CLIP4: variants seen among roughly 807,000 people sequenced by gnomAD.
The protein encoded by CLIP4 is CAP-Gly domain containing linker protein family member 4.
CLIP4 carries 47 observed loss-of-function variants against 73.1 expected under a neutral mutation model. The observed-to-expected ratio is 0.64, with a 90% CI of 0.51 to 0.82. CLIP4 has a LOEUF of 0.82. Among genes scored for constraint, CLIP4 ranks in the 40% least tolerant of loss-of-function variants. The pLI, the probability that CLIP4 is intolerant of heterozygous loss-of-function variation, is 0.00. For synonymous variants in CLIP4, 306 were observed against 295.4 expected (o/e 1.04, Z -0.37); for missense variants, 874 against 852.9 (o/e 1.02, Z -0.31).
intron 7 of CLIP4, 82 bp downstream of exon 7, chr2:29,144,027 TTGAGTTTTTG>T: frequency 8.6e-7 from 1 of 1,159,976 alleles, no homozygotes; most frequent in Admixed American, 2.0e-5. Context: ...GGTCAGAGTT[TTGAGTTTTTG>T]AAAAAGGTTC....
chr2:29,174,463 T>A lies in CLIP4; in HGVS notation c.1796+18T>A. 5.0e-6 allele frequency: 8 copies of A among 1,604,540 alleles called. No homozygotes were observed. Among genetic ancestry groups the A allele is most frequent in the Non-Finnish European group, 6.8e-6 (8 of 1,177,838 alleles). The stretch of plus-strand genomic sequence containing the variant: ...TTTTCCAAGTGAGTATTAAGAAGAT[T>A]TAGAAAAACACCTTTCAAGATGAAC... On this transcript the variant is annotated intron_variant, in intron 15 of 15. Coordinates refer to ENST00000320081, the MANE Select transcript of CLIP4 (RefSeq NM_024692.6).
chr2:29,167,693 T>C, intron 14 of CLIP4, 153 bp downstream of exon 14: 1 of 506,040 alleles, frequency 2.0e-6, no homozygotes, highest in Non-Finnish European at 3.4e-6. Context: ...ACCTGTCCCC[T>C]GGCTGAAGAA....
intron 6 of CLIP4, among the ~76,000 whole-genome samples, chr2:29,143,360 A>G (rs62132793): frequency 0.052 from 7,791 of 149,098 alleles, 272 homozygotes; most frequent in Non-Finnish European, 0.08. Context: ...AGTTTCCCCT[A>G]CAACCATCTC....
Position 29,174,419 on chromosome 2 carries a change from G to A in CLIP4, c.1770G>A (p.Glu590=). Residue 590 remains glutamate, a synonymous_variant, in exon 15 of 16, where the codon GAG becomes GAA. Transcript: ENST00000320081. The part of the protein sequence containing the change: ...FSTTSASSQK[E]INRRNAFSKS... ...CAACTTCTGCTTCTTCCCAAAAGGA[G>A]ATTAACAGAAGAAATGCTTTTTCCA... 1 of 1,612,352 alleles carries A rather than the reference G, an allele frequency of 6.2e-7. No homozygotes were observed. The highest frequency in any genetic ancestry group is 8.5e-7 in the Non-Finnish European group (1 of 1,179,668).
At chr2:29,174,868 A>G (rs545308571) in intron 15 of CLIP4, among the ~76,000 whole-genome samples, 3 of 152,290 alleles carry the variant, frequency 2.0e-5, no homozygotes, top group Non-Finnish European at 2.9e-5. Flanking sequence ...TTAAGAGTAT[A>G]ATGCTCAAAA....
At chr2:29,147,980 A>G (rs1666282518) in intron 8 of CLIP4, among the ~76,000 whole-genome samples, 1 of 152,208 alleles carries the variant, frequency 6.6e-6, no homozygotes, top group Non-Finnish European at 1.5e-5. Flanking sequence ...CACATAGGGC[A>G]GAGGTAAATC....
intron 5 of CLIP4, among the ~76,000 whole-genome samples, chr2:29,134,540 T>C (rs1453459530): frequency 6.6e-6 from 1 of 152,176 alleles, no homozygotes; most frequent in African/African-American, 2.4e-5. Flanking sequence ...ATTCTACCTT[T>C]TCAATTTCTA....
At chr2:29,164,004 A>T (rs1278523372) in intron 13 of CLIP4, 50 bp downstream of exon 13, 2 of 1,447,292 alleles carry the variant, frequency 1.4e-6, no homozygotes, top group Non-Finnish European at 1.9e-6. Context: ...TGTAATCTGC[A>T]GTGGTTAATA....
At chr2:29,171,617 C>A (rs1256642518) in intron 14 of CLIP4, among the ~76,000 whole-genome samples, 1 of 150,830 alleles carries the variant, frequency 6.6e-6, no homozygotes, top group East Asian at 1.9e-4. Flanking sequence ...CTCCCGGGTT[C>A]ACGCCATCCT....
At chr2:29,153,244 T>C (rs3100241) in intron 9 of CLIP4, among the ~76,000 whole-genome samples, 63,368 of 151,908 alleles carry the variant, frequency 0.42, 15,008 homozygotes, top group Non-Finnish European at 0.55. Context: ...CTCACACGGC[T>C]TCCATAGGTG....
intron 6 of CLIP4, among the ~76,000 whole-genome samples, chr2:29,141,817 G>C (rs1224142211): frequency 6.6e-6 from 1 of 151,836 alleles, no homozygotes; most frequent in African/African-American, 2.4e-5. Context: ...TTATTTTCAG[G>C]GTTAATATTG....
chr2:29,134,335 G>A (rs1021197058), intron 5 of CLIP4, among the ~76,000 whole-genome samples: 5 of 151,848 alleles, frequency 3.3e-5, no homozygotes, highest in Non-Finnish European at 5.9e-5. Context: ...TTTTCTCTCT[G>A]GTTCTCTTGG....
At chr2:29,162,828 A>AT (rs2148060614) in intron 12 of CLIP4, among the ~76,000 whole-genome samples, 1 of 152,312 alleles carries the variant, frequency 6.6e-6, no homozygotes, top group East Asian at 1.9e-4. Flanking sequence ...CATAGAGGAA[A>AT]AAAATTAAGA....
chr2:29,179,463 C>G (rs1668527971), intron 15 of CLIP4, among the ~76,000 whole-genome samples: 2 of 152,190 alleles, frequency 1.3e-5, no homozygotes, highest in Admixed American at 1.3e-4. Flanking sequence ...GGCCTTTGTG[C>G]TTATACAGCC....
intron 6 of CLIP4, 50 bp downstream of exon 6, chr2:29,135,716 T>TA: frequency 7.7e-7 from 1 of 1,296,450 alleles, no homozygotes; most frequent in Non-Finnish European, 1.1e-6. Flanking sequence ...TAAGAAATCT[T>TA]ACTTTCTGGT....
intron 9 of CLIP4, among the ~76,000 whole-genome samples, chr2:29,154,294 A>G (rs1056547604): frequency 2.0e-5 from 3 of 152,132 alleles, no homozygotes; most frequent in Non-Finnish European, 4.4e-5. Flanking sequence ...GGGGTCTCCT[A>G]TTAGATAGAA....
At chr2:29,151,480 T>A (rs957142605) in intron 8 of CLIP4, among the ~76,000 whole-genome samples, 2 of 151,984 alleles carry the variant, frequency 1.3e-5, no homozygotes, top group African/African-American at 2.4e-5. Flanking sequence ...TAGAAAGTCA[T>A]GGAAAATCTC....
chr2:29,142,905 A>G (rs1665872942), intron 6 of CLIP4, among the ~76,000 whole-genome samples: 1 of 152,236 alleles, frequency 6.6e-6, no homozygotes, highest in Admixed American at 6.5e-5. Context: ...TACATATACC[A>G]TGCAAATGAC....
upstream of CLIP4, among the ~76,000 whole-genome samples, chr2:29,112,757 A>C (rs545272138): frequency 9.8e-5 from 15 of 152,344 alleles, no homozygotes; most frequent in South Asian, 2.9e-3. Flanking sequence ...GTTGAACTCC[A>C]ATCTGGTGCC....
Sources: gnomAD v4.1 joint callset for allele counts (sites outside exome capture counted in the v4.1 genomes callset) on GRCh38, gnomAD v4.1.1 for gene constraint, MANE v1.5 for transcripts, NCBI Gene and HGNC (gene_info 2026-07-23, HGNC 2026-07-21) for gene names.